Variants in OLFML2A observed in about 807,000 individuals in gnomAD.
The protein encoded by OLFML2A is olfactomedin-like protein 2A.
A neutral mutation model predicts 60.9 loss-of-function variants in OLFML2A; 47 were observed. The observed-to-expected ratio is 0.77, with a 90% CI of 0.61 to 0.98. The LOEUF is 0.98. OLFML2A is among the 50% of genes least tolerant of loss of function. The probability of loss-of-function intolerance (pLI) is 0.00; values close to 1 mark genes in which losing one functional copy is unlikely to be tolerated. For missense variants in OLFML2A, 922 were observed against 879.8 expected (o/e 1.05, Z -0.61); for synonymous variants, 372 against 375.0 (o/e 0.99, Z 0.09).
At position 124,799,300 on chromosome 9, in the gene OLFML2A, C is replaced by A; in HGVS notation, c.478C>A (p.Leu160Met). The A allele has an allele frequency of 6.2e-7, 1 of 1,611,386 alleles. No homozygotes were observed. Among genetic ancestry groups the A allele is most frequent in the Non-Finnish European group, 8.5e-7 (1 of 1,177,962 alleles). Reference sequence around the variant, plus strand: ...CCCTCCGCAGAGCATCAAGGCCAACCTGAGCCGGGAGAATGAGGTGGTGAA... The same window carrying A: ...CCCTCCGCAGAGCATCAAGGCCAACATGAGCCGGGAGAATGAGGTGGTGAA... ...NTLEESIKAN[L>M]SRENEVVKDS... is the part of the protein sequence containing the mutation. The change falls in exon 4 of 8, where the codon CTG becomes ATG. Residue 160 changes from leucine to methionine, a missense_variant. Transcript: ENST00000373580.
In OLFML2A at chr9:124,809,992, G is replaced by A; in HGVS notation, c.1539G>A (p.Trp513Ter). Reference sequence around the variant, plus strand: ...TGGTATATGAGGACACCACACCTTGGAAGTGGCGCGGACACTCGGACATTG... The same window carrying A: ...TGGTATATGAGGACACCACACCTTGAAAGTGGCGCGGACACTCGGACATTG... ...PDVVYEDTTPWKWRGHSDIDF... is the reference protein window; with the variant it reads ...PDVVYEDTTP The change falls in exon 8 of 8, where the codon TGG (tryptophan) becomes TGA (stop). Residue 513 changes from tryptophan (W) to a stop codon, truncating the protein, a stop_gained. Transcript: ENST00000373580. LOFTEE classifies it high-confidence loss of function. The A allele has an allele frequency of 1.2e-6, 2 of 1,614,154 alleles. No homozygotes were observed. Among genetic ancestry groups the A allele is most frequent in the Middle Eastern group, 1.6e-4 (1 of 6,062 alleles).
intron 2 of OLFML2A, among the ~76,000 whole-genome samples, chr9:124,790,259 G>C (rs1372987358): frequency 6.6e-6 from 1 of 151,974 alleles, no homozygotes; most frequent in Middle Eastern, 3.2e-3. Context: ...CCTCCACCCG[G>C]CTCCCCCTTT....
At chr9:124,781,604 G>A (rs777577964) in intron 1 of OLFML2A, among the ~76,000 whole-genome samples, 3 of 152,058 alleles carry the variant, frequency 2.0e-5, no homozygotes, top group Non-Finnish European at 4.4e-5. Context: ...GACCAGCCTG[G>A]CCAACATAGT....
In OLFML2A at chr9:124,803,634, TAGG is replaced by T. The variant is rs1396650559; in HGVS notation, c.920-457_920-455del. Among the ~76,000 whole-genome samples, 4 of 152,324 alleles carry T rather than the reference TAGG, an allele frequency of 2.6e-5. No homozygotes were observed. The East Asian group carries it at 7.7e-4, about 29-fold the overall frequency. On this transcript the variant is annotated intron_variant, in intron 5 of 7. Coordinates refer to ENST00000373580, the MANE Select transcript of OLFML2A (RefSeq NM_182487.4). ...AGCTGCATTTTCCATGGCAGAATAA[TAGG>T]AGAAGGCCTGTAAAACGGGAACAAG...
chr9:124,801,167 A>G (rs1156818669), intron 4 of OLFML2A: 2 of 1,111,112 alleles, frequency 1.8e-6, no homozygotes, highest in Non-Finnish European at 2.6e-6. Flanking sequence ...TGGGACAGGA[A>G]TCTAACCTAT....
In OLFML2A at chr9:124,801,591, C is replaced by G; in HGVS notation, c.847C>G (p.Gln283Glu). The change falls in exon 5 of 8, where the codon CAG (glutamine) becomes GAG (glutamate). Residue 283 changes from glutamine (Q) to glutamate (E), a missense_variant. Transcript: ENST00000373580. Reference sequence around the variant, plus strand: ...CACAGCCAAGCCCCGCGCCCTGGCCCAGCAGCAGGCTGTGATCCGGGGCTT... The same window carrying G: ...CACAGCCAAGCCCCGCGCCCTGGCCGAGCAGCAGGCTGTGATCCGGGGCTT... ...QPTAKPRALA[Q>E]QQAVIRGFTY... The G allele has an allele frequency of 2.5e-6, 4 of 1,613,990 alleles. No individual in the cohort carries two copies. The highest frequency in any genetic ancestry group is 3.4e-6 in the Non-Finnish European group (4 of 1,180,028).
At chr9:124,799,228 C>T in intron 3 of OLFML2A, 57 bp from the exon 4 acceptor site, 3 of 1,276,250 alleles carry the variant, frequency 2.4e-6, no homozygotes, top group South Asian at 1.2e-5. Context: ...TCCCTCCAGG[C>T]TAGGGGTTCA....
chr9:124,799,081 T>G (rs1841720170), intron 3 of OLFML2A, among the ~76,000 whole-genome samples: 1 of 152,218 alleles, frequency 6.6e-6, no homozygotes, highest in Non-Finnish European at 1.5e-5. Flanking sequence ...TTTTTTTAAT[T>G]CCTTCACTTT....
chr9:124,787,369 G>A, intron 2 of OLFML2A, 131 bp downstream of exon 2: 1 of 824,084 alleles, frequency 1.2e-6, no homozygotes, highest in Non-Finnish European at 1.9e-6. Flanking sequence ...TGAGGAAACT[G>A]AGGCTCCCTG....
chr9:124,809,928 G>T lies in OLFML2A; in HGVS notation c.1475G>T (p.Arg492Leu), dbSNP rs778599770. The T allele has an allele frequency of 3.1e-6, 5 of 1,614,052 alleles. No individual in the cohort carries two copies. Among genetic ancestry groups the T allele is most frequent in the Admixed American group, 1.7e-5 (1 of 59,996 alleles). Residue 492 changes from arginine to leucine, a missense_variant, in exon 8 of 8, where the codon CGG becomes CTG. Physicochemically the swap from Arg to Leu is moderately radical, Grantham distance 102 (BLOSUM62 -2). Transcript: ENST00000373580. Reference sequence around the variant, plus strand: ...AAGAACATCATCAAGTACGACCTACGGCAGCGCTTCGTGGCCTCCTGGGCG... The same window carrying T: ...AAGAACATCATCAAGTACGACCTACTGCAGCGCTTCGTGGCCTCCTGGGCG... ...FTKNIIKYDL[R>L]QRFVASWALL... is the part of the protein sequence containing the mutation.
Position 124,810,567 on chromosome 9 carries a change from C to A in OLFML2A, c.*155C>A. On this transcript the variant is annotated 3_prime_UTR_variant, in exon 8 of 8. Coordinates refer to ENST00000373580, the MANE Select transcript of OLFML2A (RefSeq NM_182487.4). Reference sequence around the variant, plus strand: ...TCACCAGGATTGAGCTTCCTCAGCACCCAGTGGGTAATACTTGCTTCCACT... The same window carrying A: ...TCACCAGGATTGAGCTTCCTCAGCAACCAGTGGGTAATACTTGCTTCCACT... The A allele has an allele frequency of 1.4e-6, 1 of 702,432 alleles. No homozygotes were observed. Among genetic ancestry groups the A allele is most frequent in the South Asian group, 1.9e-5 (1 of 52,532 alleles). 43.5% of individuals were successfully genotyped at this position (702,432 alleles called of 1,614,324 possible).
intron 1 of OLFML2A, among the ~76,000 whole-genome samples, chr9:124,785,771 A>G (rs1365652123): frequency 1.3e-5 from 2 of 152,038 alleles, no homozygotes. Flanking sequence ...TGGGAATTTT[A>G]TGTTTAACTT....
At chr9:124,784,943 G>GTTTT (rs750733365) in intron 1 of OLFML2A, among the ~76,000 whole-genome samples, 11 of 69,594 alleles carry the variant, frequency 1.6e-4, no homozygotes, top group South Asian at 6.0e-4. Flanking sequence ...CCTTTTACTT[G>GTTTT]TTTTTTTTTT....
intron 1 of OLFML2A, among the ~76,000 whole-genome samples, chr9:124,784,058 G>A (rs928778411): frequency 6.6e-6 from 1 of 152,152 alleles, no homozygotes. Flanking sequence ...TGAGGCTGCA[G>A]TGGAGAGAGC....
chr9:124,778,408 G>A (rs989176954), intron 1 of OLFML2A, among the ~76,000 whole-genome samples: 2 of 151,290 alleles, frequency 1.3e-5, no homozygotes, highest in African/African-American at 4.9e-5. Context: ...AGCACTTGGG[G>A]TGTTCTGGAA....
rs879382096 is a variant in OLFML2A, at chr9:124,787,566, T to TATTTA, written c.354+329_354+333dup. Among the ~76,000 whole-genome samples, 862 of 150,086 alleles carry TATTTA rather than the reference T, an allele frequency of 5.7e-3. 8 individuals carry two copies. The highest frequency in any genetic ancestry group is 0.053 in the East Asian group (265 of 4,976). On this transcript the variant is annotated intron_variant, in intron 2 of 7. Coordinates refer to ENST00000373580, the MANE Select transcript of OLFML2A (RefSeq NM_182487.4). Reference sequence around the variant, plus strand: ...TATTTTATTTTATTTTATTTTATTTTATTTATTTCTTGAAACAGAGTCTCG... The same window carrying TATTTA: ...TATTTTATTTTATTTTATTTTATTTTATTTAATTTATTTCTTGAAACAGAGTCTCG...
intron 7 of OLFML2A, 148 bp from the exon 8 acceptor site, chr9:124,809,660 A>G (rs778167858): frequency 5.9e-5 from 51 of 864,170 alleles, no homozygotes; most frequent in Admixed American, 2.0e-4. Flanking sequence ...CTTGTGCCAT[A>G]ATAAGATGTC....
At chr9:124,778,844 G>C (rs2131235063) in intron 1 of OLFML2A, 1 of 296,472 alleles carries the variant, frequency 3.4e-6, no homozygotes, top group South Asian at 1.3e-4. Flanking sequence ...ACCTTGGGGA[G>C]AGTGAGGAGC....
intron 1 of OLFML2A, among the ~76,000 whole-genome samples, chr9:124,781,515 C>A (rs1161152606): frequency 6.6e-6 from 1 of 152,116 alleles, no homozygotes; most frequent in African/African-American, 2.4e-5. Context: ...ACAAGTTGGG[C>A]GGGCGTGGTG....
Sources: allele counts gnomAD v4.1 joint callset (sites outside exome capture counted in the v4.1 genomes callset), GRCh38; gene constraint gnomAD v4.1.1; transcripts MANE v1.5; gene names NCBI Gene and HGNC (gene_info 2026-07-23, HGNC 2026-07-21).